CPS1: variants seen among roughly 807,000 people sequenced by gnomAD.
The protein encoded by CPS1 is carbamoyl-phosphate synthase 1, also known as carbamoyl-phosphate synthase [ammonia], mitochondrial.
CPS1 carries 109 observed loss-of-function variants against 174.6 expected under a neutral mutation model. The ratio of observed to expected loss-of-function variants is 0.62; its 90% CI spans 0.53 to 0.73. The LOEUF (loss-of-function observed/expected upper bound fraction) is 0.73, where lower values mean the gene tolerates loss of function less well. Among genes scored for constraint, CPS1 ranks in the 30% least tolerant of loss-of-function variants. CPS1 has a pLI of 0.00. For missense variants in CPS1, 1,689 were observed against 1,821.9 expected (o/e 0.93, Z 1.33); for synonymous variants, 637 against 632.0 (o/e 1.01, Z -0.12).
chr2:210,637,969 C>T (rs556786349), intron 22 of CPS1, 126 bp downstream of exon 22: 35 of 1,056,348 alleles, frequency 3.3e-5, no homozygotes, highest in South Asian at 2.4e-4. Flanking sequence ...AATACTCATC[C>T]GGTTGATGCT....
At position 210,556,809 on chromosome 2, in the gene CPS1, C is replaced by T; in HGVS notation, c.76C>T (p.His26Tyr). Residue 26 changes from histidine (H) to tyrosine (Y), a missense_variant, in exon 1 of 38, where the codon CAC becomes TAC. Transcript: ENST00000233072. ...TGFGFTNVTA[H>Y]QKWKFSRPGI... ...TTTTGGCTTTACCAATGTGACTGCA[C>T]ACCAAAAATGGAAATTTTCAAGACC... The T allele has an allele frequency of 6.2e-7, 1 of 1,613,158 alleles. No individual in the cohort carries two copies. Among genetic ancestry groups the T allele is most frequent in the Admixed American group, 1.7e-5 (1 of 59,842 alleles).
At chr2:210,519,714 CTT>C in intron 1 of CPS1, 1 of 984,248 alleles carries the variant, frequency 1.0e-6, no homozygotes, top group Non-Finnish European at 1.2e-6. Flanking sequence ...CCAATTGAAA[CTT>C]TAGTTCAAAA....
Position 210,660,655 on chromosome 2 carries a change from G to A in CPS1, c.3927G>A (p.Lys1309=). 6.2e-7 allele frequency: 1 copy of A among 1,613,712 alleles called. No individual in the cohort carries two copies. Residue 1309 remains lysine (K), a splice_region_variant and synonymous_variant, in exon 32 of 38, where the codon AAG becomes AAA. Coordinates refer to ENST00000233072, the MANE Select transcript of CPS1 (RefSeq NM_001875.5). The part of the protein sequence containing the change: ...PIIPADYVAI[K]APMFSWPRLR... ...TTCCTGCTGACTATGTTGCAATTAA[G>A]GTAACATTTTCAAAAATTTATTAGT...
chr2:210,565,487 T>C (rs1697273065), intron 1 of CPS1, among the ~76,000 whole-genome samples: 1 of 152,196 alleles, frequency 6.6e-6, no homozygotes, highest in South Asian at 2.1e-4. Flanking sequence ...CTTTGGAGTA[T>C]GTTTACATGT....
chr2:210,594,595 T>C lies in CPS1; in HGVS notation c.1252T>C (p.Ser418Pro). 2 of 1,610,694 alleles carry C rather than the reference T, an allele frequency of 1.2e-6. No individual in the cohort carries two copies. The highest frequency in any genetic ancestry group is 1.7e-6 in the Non-Finnish European group (2 of 1,177,716). The part of the protein sequence containing the change: ...SVLPKPALVA[S>P]RVEVSKVLIL... ...CTTACCGAAGCCAGCACTAGTTGCATCTCGGGTTGAGGTCAGTATGTGGGC... is the reference window on the plus strand; with the variant it reads ...CTTACCGAAGCCAGCACTAGTTGCACCTCGGGTTGAGGTCAGTATGTGGGC... Residue 418 changes from serine (S) to proline (P), a missense_variant, in exon 12 of 38, where the codon TCT (serine) becomes CCT (proline). By Grantham distance (74) the Ser-to-Pro change is moderately conservative. Transcript: ENST00000233072.
intron 13 of CPS1, 58 bp downstream of exon 13, chr2:210,595,640 T>A: frequency 1.7e-6 from 2 of 1,165,302 alleles, no homozygotes. Flanking sequence ...GTCTAATTAG[T>A]ATTTTATAAT....
chr2:210,489,111 C>T (rs1694798535), intron 1 of CPS1, among the ~76,000 whole-genome samples: 2 of 152,176 alleles, frequency 1.3e-5, no homozygotes, highest in Admixed American at 1.3e-4. Context: ...GCACTGCAAA[C>T]TTATAGATGA....
intron 1 of CPS1, among the ~76,000 whole-genome samples, chr2:210,502,473 T>TA (rs1695169998): frequency 1.7e-5 from 2 of 121,156 alleles, no homozygotes; most frequent in Non-Finnish European, 3.8e-5. Context: ...ATATATATAT[T>TA]TATATATAAA....
upstream of CPS1, among the ~76,000 whole-genome samples, chr2:210,556,055 CA>C (rs1696902925): frequency 6.6e-6 from 1 of 151,916 alleles, no homozygotes; most frequent in Admixed American, 6.6e-5. Context: ...AAACACAGAA[CA>C]ATGCTATAGT....
chr2:210,661,875 C>A (rs1400229921), intron 32 of CPS1, among the ~76,000 whole-genome samples: 1 of 145,676 alleles, frequency 6.9e-6, no homozygotes, highest in Admixed American at 6.9e-5. Context: ...GAATTTTTAA[C>A]TAAAAATAAT....
chr2:210,537,299 T>A (rs1696282400), intron 1 of CPS1, among the ~76,000 whole-genome samples: 1 of 152,176 alleles, frequency 6.6e-6, no homozygotes. Context: ...TCTTTCTATG[T>A]GAATAATATT....
chr2:210,662,022 A>T (rs1169495342), intron 32 of CPS1, among the ~76,000 whole-genome samples: 1 of 142,774 alleles, frequency 7.0e-6, no homozygotes, highest in South Asian at 2.2e-4. Flanking sequence ...TCTCCCCCTC[A>T]GCCCCCCAAG....
intron 33 of CPS1, among the ~76,000 whole-genome samples, chr2:210,666,618 T>G (rs1489883977): frequency 1.3e-5 from 2 of 152,160 alleles, no homozygotes. Flanking sequence ...CTCAGGTTTG[T>G]CAAAGATCAG....
chr2:210,513,215 A>G lies in CPS1; in HGVS notation c.3+35449A>G, dbSNP rs184648076. 1.1e-3 allele frequency among the ~76,000 whole-genome samples: 164 copies of G among 150,370 alleles called. 3 individuals carry two copies. The highest frequency in any genetic ancestry group is 9.1e-3 in the East Asian group (46 of 5,078). ...CTCTCCATAATGGGATTGCTGGGTC[A>G]AATGGTAGTTCTGCTTTGAGTTCTT... On this transcript the variant is annotated intron_variant, in intron 1 of 38. Coordinates refer to the CPS1 transcript ENST00000430249.
At chr2:210,652,640 A>ATTATATAT (rs1296871732) in intron 28 of CPS1, among the ~76,000 whole-genome samples, 1 of 152,106 alleles carries the variant, frequency 6.6e-6, no homozygotes, top group Non-Finnish European at 1.5e-5. Context: ...AGAGGGAGGA[A>ATTATATAT]TTATATATTT....
upstream of CPS1, among the ~76,000 whole-genome samples, chr2:210,552,288 G>GA (rs1035550144): frequency 6.8e-6 from 1 of 147,420 alleles, no homozygotes; most frequent in Non-Finnish European, 1.5e-5. Flanking sequence ...TGATTGCCAG[G>GA]TTTTTTTTTT....
chr2:210,526,381 T>TA (rs11308265), intron 1 of CPS1, among the ~76,000 whole-genome samples: 50 of 147,406 alleles, frequency 3.4e-4, no homozygotes, highest in Middle Eastern at 3.5e-3. Flanking sequence ...TAAAATATAT[T>TA]AAAAAAAAAA....
At chr2:210,494,292 CAT>C (rs1457019478) in intron 1 of CPS1, among the ~76,000 whole-genome samples, 1 of 152,102 alleles carries the variant, frequency 6.6e-6, no homozygotes, top group Non-Finnish European at 1.5e-5. Flanking sequence ...TAGATGCAAA[CAT>C]ATTTTTTAAA....
At chr2:210,604,941 C>G in intron 16 of CPS1, 161 bp from the exon 17 acceptor site, 2 of 711,270 alleles carry the variant, frequency 2.8e-6, no homozygotes, top group Admixed American at 4.4e-5. Context: ...TAGTACCTCA[C>G]TGATTTTCTG....
Sources: gnomAD v4.1 joint callset for allele counts (sites outside exome capture counted in the v4.1 genomes callset) on GRCh38, gnomAD v4.1.1 for gene constraint, MANE v1.5 for transcripts, NCBI Gene and HGNC (gene_info 2026-07-23, HGNC 2026-07-21) for gene names.